ZER1: variants seen among roughly 807,000 people sequenced by gnomAD.
ZER1 encodes protein zer-1 homolog.
In ZER1, 11 loss-of-function variants were observed where a neutral mutation model predicts 78.8. The ratio of observed to expected loss-of-function variants is 0.14; its 90% CI spans 0.09 to 0.23. ZER1 has a LOEUF of 0.23. Among genes scored for constraint, ZER1 ranks in the 10% least tolerant of loss-of-function variants. The pLI is 1.00. For missense variants in ZER1, 588 were observed against 996.9 expected (o/e 0.59, Z 5.52); for synonymous variants, 400 against 407.0 (o/e 0.98, Z 0.21).
At chr9:128,756,687 A>C (rs1863870188) in intron 1 of ZER1, among the ~76,000 whole-genome samples, 1 of 152,200 alleles carries the variant, frequency 6.6e-6, no homozygotes, top group Admixed American at 6.5e-5. Context: ...ATGTCCAGTG[A>C]CGATAGGCAA....
In ZER1 at chr9:128,749,029, A is replaced by G. The variant is rs190697482; in HGVS notation, c.1359+1587T>C. The stretch of plus-strand genomic sequence containing the variant: ...CCTGAGACCCTGTCTTAATTAAAAT[A>G]TATATATATATATTGTGGCTGAGCA... On this transcript the variant is annotated intron_variant, in intron 8 of 15. Coordinates refer to ENST00000291900, the MANE Select transcript of ZER1 (RefSeq NM_006336.4). Among the ~76,000 whole-genome samples the G allele has an allele frequency of 2.9e-3, 426 of 146,094 alleles. 2 individuals carry two copies. The highest frequency in any genetic ancestry group is 0.011 in the Middle Eastern group (3 of 280).
At chr9:128,756,339 G>A (rs903701261) in intron 1 of ZER1, among the ~76,000 whole-genome samples, 37 of 152,136 alleles carry the variant, frequency 2.4e-4, no homozygotes, top group African/African-American at 7.2e-4. Flanking sequence ...CCAGCTACTC[G>A]GGAGGCTGAG....
intron 1 of ZER1, among the ~76,000 whole-genome samples, chr9:128,770,159 G>A (rs1424971336): frequency 6.6e-6 from 1 of 151,912 alleles, no homozygotes; most frequent in Non-Finnish European, 1.5e-5. Context: ...TCTCACTCTT[G>A]TCACCCAGGC....
At position 128,752,937 on chromosome 9, in the gene ZER1, G is replaced by C. The variant is rs892861952; in HGVS notation, c.747-88C>G. The stretch of plus-strand genomic sequence containing the variant: ...TCCCAGCTCCTTTAGTCTGTAGCAG[G>C]GGAGGGCCCATTCCTGCCACAACTT... On this transcript the variant is annotated intron_variant, in intron 4 of 15. Transcript: ENST00000291900. 19 of 1,490,270 alleles carry C rather than the reference G, an allele frequency of 1.3e-5. No homozygotes were observed. The South Asian group carries it at 2.1e-4, about 17-fold the overall frequency. The allele number at this position is 1,490,270 out of a possible 1,614,324, so 92.3% of individuals were successfully genotyped here. A position where few individuals can be genotyped will look rare whatever the true frequency, so the allele number is the denominator to read the frequency against.
Position 128,755,723 on chromosome 9 carries a change from G to A in ZER1, c.-94-64C>T. The A allele has an allele frequency of 2.1e-6, 2 of 945,322 alleles. No homozygotes were observed. The highest frequency in any genetic ancestry group is 3.1e-6 in the Non-Finnish European group (2 of 650,924). 58.6% of individuals were successfully genotyped at this position (945,322 alleles called of 1,614,324 possible). A position where few individuals can be genotyped will look rare whatever the true frequency, so the allele number is the denominator to read the frequency against. On this transcript the variant is annotated intron_variant, in intron 1 of 15. Transcript: ENST00000291900. The surrounding 1 kb of genome is among the most constrained non-coding windows in gnomAD (Gnocchi z 5.6). Reference sequence around the variant, plus strand: ...GGGCTAGAACTATCAGTGGTCCCATGTCCACGCTCTGAGTAGGGAAACTGA... The same window carrying A: ...GGGCTAGAACTATCAGTGGTCCCATATCCACGCTCTGAGTAGGGAAACTGA...
chr9:128,760,159 C>T (rs1023743611), intron 1 of ZER1, among the ~76,000 whole-genome samples: 2 of 152,086 alleles, frequency 1.3e-5, no homozygotes, highest in Non-Finnish European at 2.9e-5. Context: ...GGATTGCAGG[C>T]GTGAGCCACT....
intron 5 of ZER1, among the ~76,000 whole-genome samples, chr9:128,752,137 G>A (rs917125325): frequency 1.2e-4 from 19 of 152,086 alleles, no homozygotes; most frequent in African/African-American, 3.6e-4. Context: ...GCCAGGATGC[G>A]TCCCTCCTCC....
At position 128,735,771 on chromosome 9, in the gene ZER1, T is replaced by C. The variant is rs1335453160; in HGVS notation, c.2043-340A>G. On this transcript the variant is annotated intron_variant, in intron 13 of 15. Transcript: ENST00000291900. ...AGCACGTGTGACCTGGTTTTTTTTT[T>C]TTTTTTTTTTTTTTTTTTTTTTGTG... 1.6e-5 allele frequency among the ~76,000 whole-genome samples: 2 copies of C among 122,636 alleles called. 1 individual carries two copies. The highest frequency in any genetic ancestry group is 6.7e-5 in the African/African-American group (2 of 29,984). 80.5% of individuals were successfully genotyped at this position (122,636 alleles called of 152,430 possible). A position where few individuals can be genotyped will look rare whatever the true frequency, so the allele number is the denominator to read the frequency against.
chr9:128,745,060 T>C (rs189070370), intron 8 of ZER1, among the ~76,000 whole-genome samples: 2 of 152,296 alleles, frequency 1.3e-5, no homozygotes, highest in Admixed American at 1.3e-4. Context: ...TTCAACCTTT[T>C]TAGGTAACAC....
At position 128,750,671 on chromosome 9, in the gene ZER1, C is replaced by A; in HGVS notation, c.1304G>T (p.Arg435Leu). The change falls in exon 8 of 16, where the codon CGC becomes CTC. Residue 435 changes from arginine (R) to leucine (L), a missense_variant. Transcript: ENST00000291900. The part of the protein sequence containing the change: ...EYRSEQSVKL[R>L]RQVIQVVLNG... ...CAGCACCACCTGGATAACCTGCCGG[C>A]GCAGCTTCACACTCTGCTCTGAGCG... 1 of 1,614,194 alleles carries A rather than the reference C, an allele frequency of 6.2e-7. No homozygotes were observed. Among genetic ancestry groups the A allele is most frequent in the African/African-American group, 1.3e-5 (1 of 75,058 alleles).
intron 14 of ZER1, 94 bp downstream of exon 14, chr9:128,735,240 C>G: frequency 6.9e-6 from 8 of 1,152,034 alleles, no homozygotes; most frequent in Non-Finnish European, 8.6e-6. Flanking sequence ...CTGACAGCAG[C>G]AATTAATGCC....
chr9:128,760,221 G>C (rs1863999263), intron 1 of ZER1, among the ~76,000 whole-genome samples: 1 of 151,422 alleles, frequency 6.6e-6, no homozygotes, highest in Non-Finnish European at 1.5e-5. Flanking sequence ...TTATTTTTTT[G>C]AGACGGAGTC....
chr9:128,746,930 C>T (rs187474592), intron 8 of ZER1, among the ~76,000 whole-genome samples: 32 of 152,132 alleles, frequency 2.1e-4, no homozygotes, highest in Admixed American at 1.6e-3. Flanking sequence ...GCCACTGCGC[C>T]GGCCTAAAAA....
chr9:128,771,114 G>A (rs1317604769), intron 1 of ZER1, among the ~76,000 whole-genome samples: 1 of 152,224 alleles, frequency 6.6e-6, no homozygotes. Context: ...GTTCCACCCA[G>A]AGAGCTATAG....
At chr9:128,745,364 AT>A (rs1046773225) in intron 8 of ZER1, among the ~76,000 whole-genome samples, 3 of 149,276 alleles carry the variant, frequency 2.0e-5, no homozygotes, top group Admixed American at 6.7e-5. Context: ...TTAAAAAAAA[AT>A]TTTTTTTTTG....
At chr9:128,761,677 TC>T in intron 1 of ZER1, among the ~76,000 whole-genome samples, 1 of 149,014 alleles carries the variant, frequency 6.7e-6, no homozygotes, top group East Asian at 2.0e-4. Context: ...CGATCTCGGC[TC>T]ACTGCAAGCT....
chr9:128,766,254 C>G (rs1305652823), intron 1 of ZER1, among the ~76,000 whole-genome samples: 2 of 146,398 alleles, frequency 1.4e-5, no homozygotes, highest in African/African-American at 5.1e-5. Flanking sequence ...GAGGCTGAGA[C>G]AGGAGAATTG....
intron 1 of ZER1, among the ~76,000 whole-genome samples, chr9:128,759,337 A>ATT (rs35419870): frequency 7.5e-5 from 10 of 133,068 alleles, no homozygotes; most frequent in African/African-American, 1.7e-4. Context: ...CACCCAGCTA[A>ATT]TTTTTTTTTT....
chr9:128,765,484 C>G (rs1031783906), intron 1 of ZER1, among the ~76,000 whole-genome samples: 2 of 152,152 alleles, frequency 1.3e-5, no homozygotes, highest in African/African-American at 4.8e-5. Context: ...AAAGCAGACC[C>G]CCGCTTCTCA....
Sources: allele counts gnomAD v4.1 joint callset (sites outside exome capture counted in the v4.1 genomes callset), GRCh38; gene constraint gnomAD v4.1.1; non-coding constraint Gnocchi (gnomAD v3.1); transcripts MANE v1.5; gene names NCBI Gene and HGNC (gene_info 2026-07-23, HGNC 2026-07-21).